AIG1: variants seen among roughly 807,000 people sequenced by gnomAD.
The protein encoded by AIG1 is androgen induced 1, also known as androgen-induced gene 1 protein.
Under a neutral mutation model 31.4 loss-of-function variants are expected in AIG1, and 23 were observed. The ratio of observed to expected loss-of-function variants is 0.73; its 90% CI spans 0.53 to 1.04. The LOEUF (loss-of-function observed/expected upper bound fraction) is 1.04. Among genes scored for constraint, AIG1 ranks in the 50% least tolerant of loss-of-function variants. The pLI is 0.00. For synonymous variants in AIG1, 100 were observed against 110.5 expected, an observed-to-expected ratio of 0.90 and a Z score of 0.60; for missense variants, 274 against 295.0, an observed-to-expected ratio of 0.93 and a Z score of 0.52.
At chr6:143,158,096 G>A (rs536736432) in intron 2 of AIG1, among the ~76,000 whole-genome samples, 1 of 152,190 alleles carries the variant, frequency 6.6e-6, no homozygotes, top group Non-Finnish European at 1.5e-5. Flanking sequence ...TCTCTCCTCA[G>A]CTCATTTTTA....
chr6:143,164,881 C>T (rs758099933), intron 2 of AIG1: 8 of 455,160 alleles, frequency 1.8e-5, no homozygotes, highest in Non-Finnish European at 3.2e-5. Context: ...ATTCGGAGAT[C>T]AGAGAGAGAG....
chr6:143,115,166 A>C (rs1781630085), intron 1 of AIG1, among the ~76,000 whole-genome samples: 1 of 152,242 alleles, frequency 6.6e-6, no homozygotes, highest in South Asian at 2.1e-4. Flanking sequence ...CACTGAACTA[A>C]ACATTCTTAT....
At chr6:143,094,301 T>C (rs1477572057) in intron 1 of AIG1, 5 of 152,174 alleles carry the variant, frequency 3.3e-5, no homozygotes, top group Non-Finnish European at 7.3e-5. Context: ...AGGCAGCCAA[T>C]GTGTTGCCAA....
chr6:143,156,010 G>A (rs1347697922), intron 2 of AIG1, among the ~76,000 whole-genome samples: 1 of 152,176 alleles, frequency 6.6e-6, no homozygotes, highest in Non-Finnish European at 1.5e-5. Flanking sequence ...GGACATTAGA[G>A]CCTGAAGCTG....
intron 3 of AIG1, among the ~76,000 whole-genome samples, chr6:143,276,325 A>T (rs191727279): frequency 6.6e-6 from 1 of 152,322 alleles, no homozygotes; most frequent in East Asian, 1.9e-4. Context: ...TTTAGTCCTT[A>T]GCCTATAAAG....
At chr6:143,178,824 A>G (rs983802666) in intron 3 of AIG1, among the ~76,000 whole-genome samples, 1 of 152,206 alleles carries the variant, frequency 6.6e-6, no homozygotes, top group African/African-American at 2.4e-5. Context: ...TGTGCTATAA[A>G]TGGGGGAGTA....
intron 3 of AIG1, among the ~76,000 whole-genome samples, chr6:143,266,656 A>C (rs1054593566): frequency 4.6e-5 from 7 of 152,172 alleles, no homozygotes; most frequent in Admixed American, 1.3e-4. Context: ...AAAAATGGTC[A>C]AGAAGGGCTG....
At chr6:143,251,279 C>T (rs1045257310) in intron 3 of AIG1, among the ~76,000 whole-genome samples, 9 of 152,000 alleles carry the variant, frequency 5.9e-5, no homozygotes, top group Non-Finnish European at 1.3e-4. Context: ...CTCGAACTCC[C>T]GGCCTCAGGT....
rs1798148072 is a variant in AIG1, at chr6:143,292,811, A to G, written c.515+8586A>G. 6.6e-6 allele frequency among the ~76,000 whole-genome samples: 1 copy of G among 152,226 alleles called. No homozygotes were observed. Among genetic ancestry groups the G allele is most frequent in the Non-Finnish European group, 1.5e-5 (1 of 68,032 alleles). On this transcript the variant is annotated intron_variant, in intron 4 of 5. Coordinates refer to ENST00000357847, the MANE Select transcript of AIG1 (RefSeq NM_016108.4). This position sits in a 1 kb window ranked among gnomAD's most constrained non-coding sequence, Gnocchi z 4.9. The stretch of plus-strand genomic sequence containing the variant: ...TCAGAAAAATGGGTATACAATGTCC[A>G]GCACCTAACTGGCACTCAGTTCCAG...
chr6:143,149,870 T>C (rs1785046016), intron 2 of AIG1, among the ~76,000 whole-genome samples: 1 of 152,226 alleles, frequency 6.6e-6, no homozygotes, highest in Non-Finnish European at 1.5e-5. Context: ...TCAGTAGAAT[T>C]AGCTACCTTT....
chr6:143,278,776 A>C (rs555916096), intron 3 of AIG1, among the ~76,000 whole-genome samples: 11 of 152,274 alleles, frequency 7.2e-5, no homozygotes, highest in South Asian at 2.1e-4. Context: ...GCTTCATGCC[A>C]GTATATCTTT....
chr6:143,243,651 T>C (rs1794411865), intron 3 of AIG1, among the ~76,000 whole-genome samples: 1 of 152,226 alleles, frequency 6.6e-6, no homozygotes, highest in African/African-American at 2.4e-5. Context: ...AACATAGGTA[T>C]TGTTAAAGTA....
rs192255596 is a variant in AIG1, at chr6:143,061,303, C to A, written c.141+237C>A. 1.2e-4 allele frequency: 80 copies of A among 649,378 alleles called. 1 individual carries two copies. In the African/African-American group the frequency reaches 1.3e-3, roughly 10 times the overall value. 40.2% of individuals were successfully genotyped at this position (649,378 alleles called of 1,614,324 possible). ...GTAGCTGGGTACCCTTACCTGGCAA[C>A]TGGGGGACAAATGGAGGTGGGGCGC... is the stretch of plus-strand genomic sequence containing the variant. On this transcript the variant is annotated intron_variant, in intron 1 of 5. Coordinates refer to ENST00000357847, the MANE Select transcript of AIG1 (RefSeq NM_016108.4).
chr6:143,110,448 C>G (rs1346053653), intron 1 of AIG1, among the ~76,000 whole-genome samples: 1 of 152,118 alleles, frequency 6.6e-6, no homozygotes, highest in Admixed American at 6.5e-5. Flanking sequence ...CTAGTAGATG[C>G]CTCCATTTCT....
intron 3 of AIG1, among the ~76,000 whole-genome samples, chr6:143,196,367 A>G (rs1274493976): frequency 1.3e-5 from 2 of 149,712 alleles, no homozygotes; most frequent in African/African-American, 4.9e-5. Context: ...ACACACACAC[A>G]CACACACACA....
chr6:143,318,622 A>G (rs1182328537), intron 4 of AIG1, among the ~76,000 whole-genome samples: 4 of 152,168 alleles, frequency 2.6e-5, no homozygotes, highest in Non-Finnish European at 4.4e-5. Context: ...GAAAACAAAG[A>G]TAAATAGATG....
At chr6:143,304,621 A>C (rs1381653440) in intron 4 of AIG1, among the ~76,000 whole-genome samples, 3 of 151,926 alleles carry the variant, frequency 2.0e-5, no homozygotes, top group Non-Finnish European at 2.9e-5. Flanking sequence ...TGCTGGATTC[A>C]GTTTGCCAGT....
chr6:143,126,746 A>G (rs1782715981), intron 1 of AIG1, among the ~76,000 whole-genome samples: 1 of 152,220 alleles, frequency 6.6e-6, no homozygotes, highest in Non-Finnish European at 1.5e-5. Context: ...GGTGAAATAC[A>G]GGAAGGTCTC....
rs534166482 is a variant in AIG1 at position 143,110,229 on chromosome 6, C to T, written c.142-26606C>T. ...TACCATACCATTCCGATGACTATAA[C>T]TGTAAATTAAATCTTGATATCTGGT... On this transcript the variant is annotated intron_variant, in intron 1 of 5. Transcript: ENST00000357847. Among the ~76,000 whole-genome samples, 3 of 152,292 alleles carry T rather than the reference C, an allele frequency of 2.0e-5. No individual in the cohort carries two copies. In the East Asian group the frequency reaches 5.8e-4, roughly 29 times the overall value.
Sources: allele counts gnomAD v4.1 joint callset (sites outside exome capture counted in the v4.1 genomes callset), GRCh38; gene constraint gnomAD v4.1.1; non-coding constraint Gnocchi (gnomAD v3.1); transcripts MANE v1.5; gene names NCBI Gene and HGNC (gene_info 2026-07-23, HGNC 2026-07-21).